The following ITGB1BP1 variants were observed in gnomAD, a reference collection of about 807,000 sequenced individuals.
ITGB1BP1 encodes integrin subunit beta 1 binding protein 1.
Under a neutral mutation model 28.0 loss-of-function variants are expected in ITGB1BP1, and 20 were observed. The observed-to-expected ratio is 0.71, with a 90% CI of 0.50 to 1.04. The LOEUF (loss-of-function observed/expected upper bound fraction) is 1.04. Among genes scored for constraint, ITGB1BP1 ranks in the 50% least tolerant of loss-of-function variants. ITGB1BP1 has a pLI of 0.00. For synonymous variants in ITGB1BP1, 103 were observed against 89.5 expected (o/e 1.15, Z -0.85); for missense variants, 228 against 242.5 (o/e 0.94, Z 0.40).
chr2:9,412,437 G>T, intron 3 of ITGB1BP1, 32 bp from the exon 4 acceptor site: 1 of 1,573,802 alleles, frequency 6.4e-7, no homozygotes, highest in Non-Finnish European at 8.6e-7. Context: ...TAAGACTTAA[G>T]AAGAAATATC....
chr2:9,415,035 G>A lies in ITGB1BP1; in HGVS notation c.73-779C>T, dbSNP rs1286312747. Among the ~76,000 whole-genome samples the A allele has an allele frequency of 1.3e-5, 2 of 152,050 alleles. No individual in the cohort carries two copies. Among genetic ancestry groups the A allele is most frequent in the Non-Finnish European group, 2.9e-5 (2 of 68,010 alleles). On this transcript the variant is annotated intron_variant, in intron 2 of 6. Coordinates refer to ENST00000355346, the MANE Select transcript of ITGB1BP1 (RefSeq NM_004763.5). The surrounding 1 kb of genome is among the most constrained non-coding windows in gnomAD (Gnocchi z 4.1). ...GAGGCGGGTGGATCACCTGAGGACAGGAGTTCGAAACCAGCCTGGCCAACA... is the reference window on the plus strand; with the variant it reads ...GAGGCGGGTGGATCACCTGAGGACAAGAGTTCGAAACCAGCCTGGCCAACA...
intron 4 of ITGB1BP1, among the ~76,000 whole-genome samples, chr2:9,410,992 T>A (rs1678296943): frequency 6.6e-6 from 1 of 152,222 alleles, no homozygotes; most frequent in Non-Finnish European, 1.5e-5. Flanking sequence ...AATGCGCACA[T>A]AAAAATGTAA....
chr2:9,408,346 T>A (rs1164309630), intron 4 of ITGB1BP1, 141 bp from the exon 5 acceptor site: 36 of 611,814 alleles, frequency 5.9e-5, no homozygotes, highest in Non-Finnish European at 9.2e-5. Flanking sequence ...GGCAAGAGTC[T>A]CTCTCCCAGA....
intron 1 of ITGB1BP1, among the ~76,000 whole-genome samples, chr2:9,419,055 G>C (rs994785589): frequency 1.3e-5 from 2 of 152,098 alleles, no homozygotes; most frequent in African/African-American, 2.4e-5. Flanking sequence ...TGCCCAGCCA[G>C]GAAAAGCAAC....
chr2:9,403,577 T>G lies in ITGB1BP1; in HGVS notation c.*3257A>C. ...ATTTCCCAACAGGTGAACTGAAAAG[T>G]TATTTTAACTATTATACATAATCAA... On this transcript the variant is annotated 3_prime_UTR_variant, in exon 7 of 7. Transcript: ENST00000355346. 2.0e-6 allele frequency: 1 copy of G among 492,012 alleles called. No individual in the cohort carries two copies. Among genetic ancestry groups the G allele is most frequent in the Non-Finnish European group, 3.6e-6 (1 of 277,992 alleles). 30.5% of individuals were successfully genotyped at this position (492,012 alleles called of 1,614,324 possible). A position where few individuals can be genotyped will look rare whatever the true frequency, so the allele number is the denominator to read the frequency against.
intron 3 of ITGB1BP1, 134 bp from the exon 4 acceptor site, chr2:9,412,539 A>G (rs1437632081): frequency 7.3e-6 from 5 of 684,980 alleles, no homozygotes; most frequent in Admixed American, 6.3e-5. Flanking sequence ...AATACACAAT[A>G]TTTTTATGTA....
chr2:9,417,259 G>C, intron 2 of ITGB1BP1, among the ~76,000 whole-genome samples: 1 of 151,830 alleles, frequency 6.6e-6, no homozygotes, highest in Non-Finnish European at 1.5e-5. Flanking sequence ...AAACACACAG[G>C]CTCACTCCTC....
At chr2:9,414,384 G>C in intron 2 of ITGB1BP1, 128 bp from the exon 3 acceptor site, 1 of 626,714 alleles carries the variant, frequency 1.6e-6, no homozygotes. Context: ...AATTATTCAG[G>C]CATATCGACT....
rs1553334464 is a variant in ITGB1BP1 at position 9,405,430 on chromosome 2, G to GTAAC, written c.*1400_*1403dup. 1 of 152,598 alleles carries GTAAC rather than the reference G, an allele frequency of 6.6e-6. No homozygotes were observed. The highest frequency in any genetic ancestry group is 2.4e-5 in the African/African-American group (1 of 41,430). The allele number at this position is 152,598 out of a possible 1,614,324, so 9.5% of individuals were successfully genotyped here. ...CTCAGAACATGTACACAGACTAAGA[G>GTAAC]TAACTGTGTGATCTGTTAAGGGGTG... On this transcript the variant is annotated 3_prime_UTR_variant, in exon 7 of 7. Coordinates refer to ENST00000355346, the MANE Select transcript of ITGB1BP1 (RefSeq NM_004763.5).
Position 9,408,375 on chromosome 2 carries a change from C to T in ITGB1BP1, c.289-170G>A, listed in dbSNP as rs868059145. The stretch of plus-strand genomic sequence containing the variant: ...TCCCAGAGGCAGAAGAAACATTTCC[C>T]CCCATTTACAAAAAGGTTATTTTTA... On this transcript the variant is annotated intron_variant, in intron 4 of 6. Coordinates refer to ENST00000355346, the MANE Select transcript of ITGB1BP1 (RefSeq NM_004763.5). 15 of 581,412 alleles carry T rather than the reference C, an allele frequency of 2.6e-5. No homozygotes were observed. In the Middle Eastern group the frequency reaches 1.3e-3, roughly 52 times the overall value. The allele number at this position is 581,412 out of a possible 1,614,324, so 36.0% of individuals were successfully genotyped here. A position where few individuals can be genotyped will look rare whatever the true frequency, so the allele number is the denominator to read the frequency against.
intron 1 of ITGB1BP1, chr2:9,423,100 C>T: frequency 9.9e-7 from 1 of 1,013,946 alleles, no homozygotes; most frequent in Non-Finnish European, 1.2e-6. Context: ...GGAAACGGCC[C>T]GCGGCCGCCC....
chr2:9,407,439 G>A lies in ITGB1BP1; in HGVS notation c.531+10C>T, dbSNP rs199860614. On this transcript the variant is annotated intron_variant, in intron 6 of 6. Transcript: ENST00000355346. ...TGGGCAAGCAGCTAACCAAAGTAAC[G>A]AAGTCTCACCAGGCTGTTGCACTGA... 2.7e-5 allele frequency: 43 copies of A among 1,613,958 alleles called. No individual in the cohort carries two copies. The highest frequency in any genetic ancestry group is 6.7e-5 in the Admixed American group (4 of 59,998).
At chr2:9,422,701 G>A (rs1489994594) in intron 1 of ITGB1BP1, 2 of 985,482 alleles carry the variant, frequency 2.0e-6, no homozygotes, top group African/African-American at 3.5e-5. Context: ...AACTTTCTGG[G>A]GAGGTGACAC....
intron 2 of ITGB1BP1, among the ~76,000 whole-genome samples, chr2:9,417,975 G>A (rs1481951228): frequency 6.6e-6 from 1 of 152,160 alleles, no homozygotes; most frequent in African/African-American, 2.4e-5. Flanking sequence ...CAAATACTCG[G>A]TGAATGAATG....
At chr2:9,407,038 G>T in intron 6 of ITGB1BP1, 133 bp from the exon 7 acceptor site, 2 of 710,810 alleles carry the variant, frequency 2.8e-6, no homozygotes, top group Non-Finnish European at 5.1e-6. Flanking sequence ...GCCTGCCTGG[G>T]TCAGTGGAAC....
At position 9,406,602 on chromosome 2, in the gene ITGB1BP1, G is replaced by A. The variant is rs1207935075; in HGVS notation, c.*232C>T. On this transcript the variant is annotated 3_prime_UTR_variant, in exon 7 of 7. Coordinates refer to ENST00000355346, the MANE Select transcript of ITGB1BP1 (RefSeq NM_004763.5). ...ACTTAGGTTAAGCTTATTAGAAGTT[G>A]AAAAAGACAAATGAAGTTTTTTAGC... 1 of 535,266 alleles carries A rather than the reference G, an allele frequency of 1.9e-6. No homozygotes were observed. Among genetic ancestry groups the A allele is most frequent in the East Asian group, 3.2e-5 (1 of 31,228 alleles). 33.2% of individuals were successfully genotyped at this position (535,266 alleles called of 1,614,324 possible).
intron 1 of ITGB1BP1, among the ~76,000 whole-genome samples, chr2:9,422,013 A>G (rs1269476452): frequency 1.3e-5 from 2 of 152,020 alleles, no homozygotes; most frequent in African/African-American, 4.8e-5. Context: ...CACAGACACT[A>G]TTTTTTTAGA....
chr2:9,419,379 A>G (rs555418909), intron 1 of ITGB1BP1, among the ~76,000 whole-genome samples: 4 of 152,338 alleles, frequency 2.6e-5, no homozygotes, highest in Non-Finnish European at 1.5e-5. Flanking sequence ...TCGAGATACT[A>G]AGATTCAGTA....
rs1470699021 is a variant in ITGB1BP1 at position 9,405,220 on chromosome 2, A to C, written c.*1614T>G. On this transcript the variant is annotated 3_prime_UTR_variant, in exon 7 of 7. Coordinates refer to ENST00000355346, the MANE Select transcript of ITGB1BP1 (RefSeq NM_004763.5). Reference sequence around the variant, plus strand: ...ACTAATAGTACTCTTACCAGAGGAGAAATTATATTAACGACCCTGCTAATA... The same window carrying C: ...ACTAATAGTACTCTTACCAGAGGAGCAATTATATTAACGACCCTGCTAATA... The C allele has an allele frequency of 6.6e-6, 1 of 152,262 alleles. No individual in the cohort carries two copies. The highest frequency in any genetic ancestry group is 2.4e-5 in the African/African-American group (1 of 41,466). 9.4% of individuals were successfully genotyped at this position (152,262 alleles called of 1,614,324 possible).
Sources: gnomAD v4.1 joint callset for allele counts (sites outside exome capture counted in the v4.1 genomes callset) on GRCh38, gnomAD v4.1.1 for gene constraint, Gnocchi (gnomAD v3.1) non-coding constraint, MANE v1.5 for transcripts, NCBI Gene and HGNC (gene_info 2026-07-23, HGNC 2026-07-21) for gene names.